The following OPCML variants were observed in gnomAD, a reference collection of about 807,000 sequenced individuals.
The protein encoded by OPCML is opioid-binding protein/cell adhesion molecule.
A neutral mutation model predicts 37.8 loss-of-function variants in OPCML; 13 were observed. That is an observed-to-expected ratio of 0.34 (90% CI 0.22 to 0.55). The LOEUF is 0.55. Among genes scored for constraint, OPCML ranks in the 20% least tolerant of loss-of-function variants. OPCML has a pLI of 0.91. For missense variants in OPCML, 341 were observed against 435.6 expected (o/e 0.78, Z 1.93); for synonymous variants, 176 against 168.8 (o/e 1.04, Z -0.33).
intron 1 of OPCML, among the ~76,000 whole-genome samples, chr11:133,275,995 CA>C (rs1349801944): frequency 2.0e-5 from 3 of 151,476 alleles, no homozygotes; most frequent in Non-Finnish European, 2.9e-5. Flanking sequence ...ACAAAGAAAA[CA>C]AAAAAAGAGA....
chr11:133,436,476 C>T (rs185017344), intron 1 of OPCML, among the ~76,000 whole-genome samples: 8 of 152,294 alleles, frequency 5.3e-5, no homozygotes, highest in Admixed American at 1.3e-4. Context: ...AACAGTTTCA[C>T]TCCGCTCATC....
At chr11:132,448,456 T>G (rs1306644601) in intron 4 of OPCML, among the ~76,000 whole-genome samples, 1 of 152,192 alleles carries the variant, frequency 6.6e-6, no homozygotes, top group East Asian at 1.9e-4. Context: ...CACGAGGAGA[T>G]AGCATTGCTC....
intron 1 of OPCML, among the ~76,000 whole-genome samples, chr11:133,387,045 A>G (rs968040294): frequency 1.3e-5 from 2 of 152,184 alleles, no homozygotes; most frequent in African/African-American, 4.8e-5. Context: ...CAACTCCGGT[A>G]TTTTGGCCCT....
intron 1 of OPCML, among the ~76,000 whole-genome samples, chr11:133,140,823 A>AGAAGACGACGACGACGAAGAAGACGAC (rs1555102423): frequency 3.2e-5 from 1 of 31,698 alleles, no homozygotes; most frequent in African/African-American, 6.8e-5. Flanking sequence ...ACGAAGAAGA[A>AGAAGACGACGACGACGAAGAAGACGAC]GACGACGACG....
intron 3 of OPCML, among the ~76,000 whole-genome samples, chr11:132,533,244 A>G (rs1486847080): frequency 6.6e-6 from 1 of 152,194 alleles, no homozygotes; most frequent in African/African-American, 2.4e-5. Flanking sequence ...GTTTTACAAT[A>G]GGGCCTTTGC....
chr11:132,569,690 T>C (rs910738567), intron 3 of OPCML, among the ~76,000 whole-genome samples: 1 of 152,194 alleles, frequency 6.6e-6, no homozygotes, highest in Non-Finnish European at 1.5e-5. Context: ...AGGAAATTTG[T>C]AGGCTGTCAT....
intron 1 of OPCML, among the ~76,000 whole-genome samples, chr11:133,275,269 G>A (rs1941960822): frequency 6.6e-6 from 1 of 152,136 alleles, no homozygotes; most frequent in Non-Finnish European, 1.5e-5. Flanking sequence ...CAGACTTTCG[G>A]GGTTTATAGA....
At chr11:132,805,058 C>G (rs969370663) in intron 2 of OPCML, among the ~76,000 whole-genome samples, 2 of 151,966 alleles carry the variant, frequency 1.3e-5, no homozygotes, top group African/African-American at 4.8e-5. Flanking sequence ...AATGAATGAA[C>G]AGAGATAATC....
intron 1 of OPCML, among the ~76,000 whole-genome samples, chr11:133,050,826 T>C (rs944238276): frequency 6.6e-6 from 1 of 152,078 alleles, no homozygotes; most frequent in East Asian, 1.9e-4. Flanking sequence ...AATCAATCTA[T>C]TGGGGAAATA....
intron 3 of OPCML, among the ~76,000 whole-genome samples, chr11:132,607,522 G>A (rs1938378674): frequency 6.6e-6 from 1 of 152,150 alleles, no homozygotes; most frequent in African/African-American, 2.4e-5. Context: ...CTTGTGTTCT[G>A]GAACTGGTGA....
chr11:133,006,524 C>A (rs1250278319), intron 1 of OPCML: 1 of 985,326 alleles, frequency 1.0e-6, no homozygotes, highest in African/African-American at 1.7e-5. Flanking sequence ...TCAGTTACCC[C>A]AATTGTAACT....
chr11:132,605,699 T>C (rs567804735), intron 3 of OPCML, among the ~76,000 whole-genome samples: 1 of 152,320 alleles, frequency 6.6e-6, no homozygotes, highest in Admixed American at 6.5e-5. Flanking sequence ...TGAGATTGTT[T>C]CTAGACACAC....
intron 1 of OPCML, among the ~76,000 whole-genome samples, chr11:133,082,222 G>A (rs1948733484): frequency 6.6e-6 from 1 of 151,492 alleles, no homozygotes; most frequent in Non-Finnish European, 1.5e-5. Flanking sequence ...CGCACGACCC[G>A]GGGTCCTGGG....
intron 2 of OPCML, among the ~76,000 whole-genome samples, chr11:132,787,615 C>T (rs1354178038): frequency 6.6e-6 from 1 of 152,002 alleles, no homozygotes; most frequent in African/African-American, 2.4e-5. Flanking sequence ...TTTACATAGT[C>T]CCCGTGATAG....
At chr11:132,593,490 T>C (rs556351391) in intron 3 of OPCML, among the ~76,000 whole-genome samples, 1 of 152,190 alleles carries the variant, frequency 6.6e-6, no homozygotes, top group Non-Finnish European at 1.5e-5. Context: ...TAATTAAATA[T>C]GTAGCCTCCT....
chr11:132,505,069 C>G (rs2096253656), intron 4 of OPCML, among the ~76,000 whole-genome samples: 1 of 152,058 alleles, frequency 6.6e-6, no homozygotes, highest in South Asian at 2.1e-4. Context: ...AGAAGTATAA[C>G]AGGTGGAAGC....
rs371907431 is a variant in OPCML at position 133,134,986 on chromosome 11, A to G, written c.62-191976T>C. On this transcript the variant is annotated intron_variant, in intron 1 of 7. Transcript: ENST00000524381. ...TTGTTCTAGTGCACATTTTACACAC[A>G]CTGATTCCCTTTCTTTCTTGAAAAC... Among the ~76,000 whole-genome samples, 105 of 152,260 alleles carry G rather than the reference A, an allele frequency of 6.9e-4. No individual in the cohort carries two copies. In the South Asian group the frequency reaches 0.021, roughly 31 times the overall value.
intron 1 of OPCML, among the ~76,000 whole-genome samples, chr11:133,217,885 A>C (rs1939651945): frequency 6.6e-6 from 1 of 151,978 alleles, no homozygotes; most frequent in Non-Finnish European, 1.5e-5. Context: ...CTTTACAGAA[A>C]ATTTTGAAAG....
At chr11:132,611,496 A>C (rs1938638156) in intron 3 of OPCML, among the ~76,000 whole-genome samples, 1 of 152,322 alleles carries the variant, frequency 6.6e-6, no homozygotes, top group Admixed American at 6.5e-5. Flanking sequence ...TAACCATGTT[A>C]TATAGTTATT....
Sources: allele counts gnomAD v4.1 joint callset (sites outside exome capture counted in the v4.1 genomes callset), GRCh38; gene constraint gnomAD v4.1.1; transcripts MANE v1.5; gene names NCBI Gene and HGNC (gene_info 2026-07-23, HGNC 2026-07-21).